Variants in HDAC9 observed in about 807,000 individuals in gnomAD.
HDAC9 encodes the protein MEF-2 interacting transcription repressor (MITR) protein.
HDAC9 carries 41 observed loss-of-function variants against 139.4 expected under a neutral mutation model. That is an observed-to-expected ratio of 0.29 (90% confidence interval 0.23 to 0.38). The LOEUF (loss-of-function observed/expected upper bound fraction) is 0.38, where lower values mean the gene tolerates loss of function less well. Ranked by LOEUF, HDAC9 falls within the 10% of genes least tolerant of loss-of-function variation. The pLI, the probability that HDAC9 is intolerant of heterozygous loss-of-function variation, is 1.00. For synonymous variants in HDAC9, 517 were observed against 476.2 expected (o/e 1.09, Z -1.12); for missense variants, 1,147 against 1,297.0 (o/e 0.88, Z 1.78).
intron 2 of HDAC9, among the ~76,000 whole-genome samples, chr7:18,546,530 C>T (rs994811510): frequency 1.3e-5 from 2 of 152,182 alleles, no homozygotes; most frequent in Admixed American, 6.5e-5. Context: ...CTGACCTATC[C>T]TGACACCTTC....
At chr7:18,425,239 C>G (rs1010729808) in intron 1 of HDAC9, among the ~76,000 whole-genome samples, 69 of 152,228 alleles carry the variant, frequency 4.5e-4, no homozygotes, top group African/African-American at 1.5e-3. Flanking sequence ...TTATCATTAA[C>G]AAAATTATTA....
chr7:18,624,610 C>A (rs1001881199), intron 6 of HDAC9, among the ~76,000 whole-genome samples: 1 of 152,000 alleles, frequency 6.6e-6, no homozygotes, highest in African/African-American at 2.4e-5. Context: ...TGATCTTTTT[C>A]TGGGCTCTGA....
At chr7:18,181,090 G>A (rs572614411) in intron 2 of HDAC9, among the ~76,000 whole-genome samples, 2 of 152,294 alleles carry the variant, frequency 1.3e-5, no homozygotes, top group East Asian at 1.9e-4. Flanking sequence ...GAACCTTTAA[G>A]CATGTCTGGG....
chr7:18,758,763 C>T (rs569409540), intron 14 of HDAC9, among the ~76,000 whole-genome samples: 1 of 151,026 alleles, frequency 6.6e-6, no homozygotes, highest in Non-Finnish European at 1.5e-5. Context: ...CATGCTTTTT[C>T]CAGATCCTGT....
rs747031506 is a variant in HDAC9 at position 18,324,651 on chromosome 7, C to T, written c.-42+34136C>T. On this transcript the variant is annotated intron_variant, in intron 1 of 3. Transcript: ENST00000413509. ...GCAATGCCTCACTCAGGGCCCATTG[C>T]GGAACTACTGAACAGAATCTGCATT... Among the ~76,000 whole-genome samples the T allele has an allele frequency of 5.3e-5, 8 of 152,208 alleles. 1 individual carries two copies. The Middle Eastern group carries it at 0.02, about 388-fold the overall frequency.
At chr7:18,607,515 G>T (rs1835861340) in intron 6 of HDAC9, among the ~76,000 whole-genome samples, 1 of 152,150 alleles carries the variant, frequency 6.6e-6, no homozygotes. Context: ...TACAGTGTGT[G>T]ACATGGGTCT....
chr7:18,447,496 A>G (rs112217904), intron 1 of HDAC9, among the ~76,000 whole-genome samples: 5,186 of 152,292 alleles, frequency 0.034, 108 homozygotes, highest in African/African-American at 0.063. Flanking sequence ...GCCCATGTAG[A>G]GGAAAAACAG....
chr7:18,291,697 T>C (rs1055109149), intron 1 of HDAC9, among the ~76,000 whole-genome samples: 1 of 152,154 alleles, frequency 6.6e-6, no homozygotes, highest in Admixed American at 6.5e-5. Context: ...TCTTGCTTGC[T>C]TTTGCACCCT....
intron 2 of HDAC9, among the ~76,000 whole-genome samples, chr7:18,199,962 T>A (rs1437020947): frequency 6.6e-6 from 1 of 151,692 alleles, no homozygotes; most frequent in Non-Finnish European, 1.5e-5. Context: ...AAAAAAATAA[T>A]AAGATGTATG....
rs569312884 is a variant in HDAC9 at position 18,904,768 on chromosome 7, G to C, written c.2803+30172G>C. On this transcript the variant is annotated intron_variant, in intron 22 of 25. Transcript: ENST00000686413. Reference sequence around the variant, plus strand: ...TTTTTTGTATTTTTAGTAGAGACGAGGTTTCACCATGTTAGCCAGGATGGT... The same window carrying C: ...TTTTTTGTATTTTTAGTAGAGACGACGTTTCACCATGTTAGCCAGGATGGT... Among the ~76,000 whole-genome samples the C allele has an allele frequency of 4.0e-5, 6 of 151,872 alleles. No individual in the cohort carries two copies. In the South Asian group the frequency reaches 1.0e-3, roughly 26 times the overall value.
chr7:18,775,222 A>G (rs548457155), intron 16 of HDAC9, among the ~76,000 whole-genome samples: 1 of 152,188 alleles, frequency 6.6e-6, no homozygotes, highest in East Asian at 1.9e-4. Context: ...AAGATAAAAT[A>G]ATGATGAAAA....
chr7:18,909,042 C>A (rs1802517721), intron 22 of HDAC9, among the ~76,000 whole-genome samples: 1 of 151,988 alleles, frequency 6.6e-6, no homozygotes, highest in Admixed American at 6.6e-5. Context: ...TTCTCTACAT[C>A]CTCACCAGCA....
At chr7:18,798,323 T>A (rs1377586257) in intron 17 of HDAC9, among the ~76,000 whole-genome samples, 1 of 152,178 alleles carries the variant, frequency 6.6e-6, no homozygotes, top group Admixed American at 6.5e-5. Flanking sequence ...TGTGTCAGGA[T>A]GAAATTTTTC....
intron 17 of HDAC9, among the ~76,000 whole-genome samples, chr7:18,827,828 T>C (rs905647253): frequency 2.0e-5 from 3 of 152,178 alleles, no homozygotes; most frequent in Non-Finnish European, 4.4e-5. Context: ...CCAAATTCTC[T>C]ATTCTCAGAA....
chr7:18,177,339 C>A (rs34966611), intron 2 of HDAC9, among the ~76,000 whole-genome samples: 16,499 of 152,204 alleles, frequency 0.11, 1,213 homozygotes, highest in Non-Finnish European at 0.15. Context: ...TGCGATTAAT[C>A]TCTTCTCAGC....
intron 1 of HDAC9, chr7:18,429,012 C>T (rs1056510148): frequency 3.9e-5 from 6 of 152,232 alleles, no homozygotes; most frequent in Admixed American, 3.3e-4. Flanking sequence ...TTTTTCAGAT[C>T]ACCCTGTAGA....
chr7:18,830,529 G>T (rs531961964), intron 19 of HDAC9, among the ~76,000 whole-genome samples: 1 of 152,032 alleles, frequency 6.6e-6, no homozygotes, highest in African/African-American at 2.4e-5. Context: ...TGGAAGTCAC[G>T]GCCTCGCCCT....
chr7:18,647,723 T>C, intron 9 of HDAC9, 62 bp from the exon 10 acceptor site: 1 of 1,376,402 alleles, frequency 7.3e-7, no homozygotes, highest in South Asian at 1.4e-5. Context: ...TCTAATGATT[T>C]AGAGACCCAG....
chr7:18,950,637 T>C (rs573769848), intron 23 of HDAC9, among the ~76,000 whole-genome samples: 2 of 152,034 alleles, frequency 1.3e-5, no homozygotes, highest in Non-Finnish European at 2.9e-5. Context: ...AAAATGACTT[T>C]CTACTACATA....
Sources: gnomAD v4.1 joint callset for allele counts (sites outside exome capture counted in the v4.1 genomes callset) on GRCh38, gnomAD v4.1.1 for gene constraint, MANE v1.5 for transcripts, NCBI Gene and HGNC (gene_info 2026-07-23, HGNC 2026-07-21) for gene names.